Variants in NTRK3 observed in about 807,000 individuals in gnomAD.
NTRK3 encodes the protein NT-3 growth factor receptor.
Under a neutral mutation model 91.7 loss-of-function variants are expected in NTRK3, and 24 were observed. That is an observed-to-expected ratio of 0.26 (90% CI 0.19 to 0.37). The LOEUF is 0.37. NTRK3 is among the 10% of genes least tolerant of loss of function. The probability of loss-of-function intolerance (pLI) is 1.00; values close to 1 mark genes in which losing one functional copy is unlikely to be tolerated. For synonymous variants in NTRK3, 483 were observed against 404.0 expected (o/e 1.20, Z -2.34); for missense variants, 880 against 1,068.9 (o/e 0.82, Z 2.46).
intron 13 of NTRK3, among the ~76,000 whole-genome samples, chr15:88,045,418 C>A (rs926404745): frequency 2.6e-4 from 39 of 152,206 alleles, no homozygotes; most frequent in African/African-American, 9.4e-4. Flanking sequence ...CCCTACAAGG[C>A]AAGGACTCTA....
At chr15:88,244,317 A>G (rs1235463820) in intron 3 of NTRK3, among the ~76,000 whole-genome samples, 1 of 152,232 alleles carries the variant, frequency 6.6e-6, no homozygotes, top group Non-Finnish European at 1.5e-5. Flanking sequence ...ACACCATCTC[A>G]TAGCAACTCT....
intron 14 of NTRK3, among the ~76,000 whole-genome samples, chr15:87,968,204 T>G (rs1168802238): frequency 1.3e-5 from 2 of 152,258 alleles, no homozygotes; most frequent in Non-Finnish European, 2.9e-5. Context: ...CTTGAGCTTT[T>G]AAATTATACT....
intron 14 of NTRK3, chr15:87,977,987 C>T (rs1216042550): frequency 4.3e-6 from 1 of 233,320 alleles, no homozygotes; most frequent in East Asian, 6.1e-5. Context: ...CCCCACAAGC[C>T]CCCCACAGGA....
chr15:87,958,481 G>A (rs993889139), intron 14 of NTRK3, among the ~76,000 whole-genome samples: 1 of 151,888 alleles, frequency 6.6e-6, no homozygotes, highest in Admixed American at 6.6e-5. Flanking sequence ...TAACACAGCC[G>A]AAAAGAACTC....
At chr15:88,162,652 G>C (rs570448099) in intron 5 of NTRK3, among the ~76,000 whole-genome samples, 1 of 152,196 alleles carries the variant, frequency 6.6e-6, no homozygotes, top group Non-Finnish European at 1.5e-5. Flanking sequence ...AAGGGGATTC[G>C]AAAGAGCGCT....
At chr15:88,188,107 A>G (rs1243887390) in intron 3 of NTRK3, among the ~76,000 whole-genome samples, 1 of 152,152 alleles carries the variant, frequency 6.6e-6, no homozygotes, top group Non-Finnish European at 1.5e-5. Flanking sequence ...AAGAATTTAT[A>G]GCAATGCCCA....
chr15:87,975,542 C>A (rs2073648198), intron 14 of NTRK3, among the ~76,000 whole-genome samples: 1 of 152,192 alleles, frequency 6.6e-6, no homozygotes, highest in Non-Finnish European at 1.5e-5. Flanking sequence ...CCTGAGCCAC[C>A]CTAAGCTGAG....
chr15:88,089,616 A>G (rs1353040714), intron 13 of NTRK3, among the ~76,000 whole-genome samples: 2 of 152,214 alleles, frequency 1.3e-5, no homozygotes, highest in African/African-American at 2.4e-5. Flanking sequence ...CATTAGCCTT[A>G]GGGCACCTTG....
chr15:88,088,905 G>A (rs2048752481), intron 13 of NTRK3, among the ~76,000 whole-genome samples: 2 of 152,032 alleles, frequency 1.3e-5, no homozygotes, highest in Non-Finnish European at 2.9e-5. Context: ...AGTGTCCCCA[G>A]GTATAAAATG....
rs188837418 is a variant in NTRK3 at position 87,952,052 on chromosome 15, G to C, written c.1586-11299C>G. On this transcript the variant is annotated intron_variant, in intron 14 of 18. Coordinates refer to ENST00000394480, the Ensembl canonical transcript of NTRK3. Reference sequence around the variant, plus strand: ...TGAGGTGGGAGAATCGCTTGAACTTGGGAGGCAGAGGTTGCAGTCAGCCGA... The same window carrying C: ...TGAGGTGGGAGAATCGCTTGAACTTCGGAGGCAGAGGTTGCAGTCAGCCGA... 2.6e-3 allele frequency among the ~76,000 whole-genome samples: 397 copies of C among 152,192 alleles called. 3 individuals carry two copies. The East Asian group carries it at 0.029, about 11-fold the overall frequency.
At chr15:88,017,945 G>A (rs752265614) in intron 14 of NTRK3, among the ~76,000 whole-genome samples, 5 of 152,204 alleles carry the variant, frequency 3.3e-5, no homozygotes, top group African/African-American at 4.8e-5. Flanking sequence ...AATCCAATGC[G>A]AAGAGTTGCT....
At chr15:87,901,776 G>A (rs6496453) in intron 17 of NTRK3, among the ~76,000 whole-genome samples, 141,184 of 150,626 alleles carry the variant, frequency 0.94, 66,255 homozygotes, top group African/African-American at 0.98. Flanking sequence ...GGGGGGAGAG[G>A]GGGAGAAAGG....
intron 3 of NTRK3, among the ~76,000 whole-genome samples, chr15:88,254,275 C>G (rs550184710): frequency 6.6e-6 from 1 of 152,294 alleles, no homozygotes; most frequent in Non-Finnish European, 1.5e-5. Context: ...CAGTCTCACT[C>G]TGAACCCTTC....
At chr15:88,096,556 C>A (rs1429134424) in intron 13 of NTRK3, among the ~76,000 whole-genome samples, 1 of 152,206 alleles carries the variant, frequency 6.6e-6, no homozygotes, top group South Asian at 2.1e-4. Context: ...AGCCTGCATC[C>A]TTTTTCTTTG....
At chr15:88,236,517 A>T (rs2051760647) in intron 3 of NTRK3, among the ~76,000 whole-genome samples, 2 of 125,996 alleles carry the variant, frequency 1.6e-5, no homozygotes, top group South Asian at 2.3e-4. Flanking sequence ...CTATTATTAA[A>T]AAAAAAAAAA....
At chr15:87,925,707 AGCTCTAGGATTC>A (rs1406514033) in intron 17 of NTRK3, 11 of 185,042 alleles carry the variant, frequency 5.9e-5, no homozygotes, top group Non-Finnish European at 1.3e-4. Context: ...ATGTGGACTT[AGCTCTAGGATTC>A]ATGAGCAGTA....
At chr15:87,944,322 C>T (rs2070203094) in intron 14 of NTRK3, among the ~76,000 whole-genome samples, 1 of 152,142 alleles carries the variant, frequency 6.6e-6, no homozygotes, top group Non-Finnish European at 1.5e-5. Flanking sequence ...CTCCAGAATA[C>T]CATATGAGCA....
chr15:88,215,474 G>C (rs929186463), intron 3 of NTRK3, among the ~76,000 whole-genome samples: 1 of 152,192 alleles, frequency 6.6e-6, no homozygotes, highest in Non-Finnish European at 1.5e-5. Flanking sequence ...GAAACGTTCC[G>C]TGCTAGACAC....
At chr15:88,227,624 A>G (rs937882415) in intron 3 of NTRK3, among the ~76,000 whole-genome samples, 7 of 152,164 alleles carry the variant, frequency 4.6e-5, no homozygotes, top group Admixed American at 4.6e-4. Flanking sequence ...TTGGACTTCC[A>G]GCCTCTAGAA....
Sources: allele counts gnomAD v4.1 joint callset (sites outside exome capture counted in the v4.1 genomes callset), GRCh38; gene constraint gnomAD v4.1.1; transcripts MANE v1.5; gene names NCBI Gene and HGNC (gene_info 2026-07-23, HGNC 2026-07-21).